The following TFIP11 variants were observed in gnomAD, a reference collection of about 807,000 sequenced individuals.
TFIP11 encodes tuftelin-interacting protein 11.
In TFIP11, 86 loss-of-function variants were observed where a neutral mutation model predicts 96.8. The ratio of observed to expected loss-of-function variants is 0.89; its 90% CI spans 0.75 to 1.06. TFIP11 has a LOEUF of 1.06. TFIP11 is among the 50% of genes least tolerant of loss of function. TFIP11 has a pLI of 0.00. For synonymous variants in TFIP11, 405 were observed against 395.2 expected (o/e 1.02, Z -0.29); for missense variants, 881 against 1,076.7 (o/e 0.82, Z 2.54).
chr22:26,507,866 TA>T (rs1923606631), intron 4 of TFIP11, among the ~76,000 whole-genome samples: 1 of 152,120 alleles, frequency 6.6e-6, no homozygotes, highest in South Asian at 2.1e-4. Context: ...CTCATGCCCA[TA>T]ATCTCAGCAC....
rs752093181 is a variant in TFIP11, at chr22:26,493,030, CT to C, written c.2159-663del. The C allele has an allele frequency of 4.8e-3, 692 of 144,544 alleles. 1 individual carries two copies. Among genetic ancestry groups the C allele is most frequent in the African/African-American group, 8.2e-3 (325 of 39,618 alleles). 9.0% of individuals were successfully genotyped at this position (144,544 alleles called of 1,614,324 possible). A position where few individuals can be genotyped will look rare whatever the true frequency, so the allele number is the denominator to read the frequency against. On this transcript the variant is annotated intron_variant, in intron 14 of 14. Coordinates refer to ENST00000407690, the MANE Select transcript of TFIP11 (RefSeq NM_012143.4). ...TGTTTTCACAGAATAGGCTATTTTTCTTTTTTTTTTTTTGAGACCGAGTCTC... is the reference window on the plus strand; with the variant it reads ...TGTTTTCACAGAATAGGCTATTTTTCTTTTTTTTTTTTGAGACCGAGTCTC...
intron 8 of TFIP11, among the ~76,000 whole-genome samples, chr22:26,500,510 G>A (rs1922645772): frequency 6.6e-6 from 1 of 152,144 alleles, no homozygotes; most frequent in South Asian, 2.1e-4. Context: ...AAGGCTAACT[G>A]AACAAAGGCA....
chr22:26,497,846 A>G (rs1392564322), intron 10 of TFIP11, among the ~76,000 whole-genome samples: 1 of 146,964 alleles, frequency 6.8e-6, no homozygotes, highest in East Asian at 2.0e-4. Context: ...ACTGCACTCC[A>G]GCCTGGCGAC....
At chr22:26,501,646 T>G (rs916516032) in intron 8 of TFIP11, among the ~76,000 whole-genome samples, 3 of 151,180 alleles carry the variant, frequency 2.0e-5, no homozygotes, top group Non-Finnish European at 4.4e-5. Flanking sequence ...TGTAGTGCCG[T>G]GAAGAGTGCC....
In TFIP11 at chr22:26,506,928, C is replaced by A; in HGVS notation, c.210G>T (p.Arg70=). ...DDERPSFGGK[R]ARDYSAPVNF... ...TGACTGGCGCAGAGTAGTCACGGGCCCTGTAGGCACAGAAACAAAGCCCCA... is the reference window on the plus strand; with the variant it reads ...TGACTGGCGCAGAGTAGTCACGGGCACTGTAGGCACAGAAACAAAGCCCCA... The change falls in exon 5 of 15, where the codon CGG becomes CGT. Residue 70 remains arginine, a splice_region_variant and synonymous_variant. Transcript: ENST00000407690. 3.1e-6 allele frequency: 5 copies of A among 1,613,578 alleles called. No homozygotes were observed. Among genetic ancestry groups the A allele is most frequent in the Non-Finnish European group, 3.4e-6 (4 of 1,179,668 alleles).
chr22:26,494,326 T>C (rs1247345258), intron 13 of TFIP11, 22 bp from the exon 14 acceptor site: 1 of 1,614,178 alleles, frequency 6.2e-7, no homozygotes, highest in Non-Finnish European at 8.5e-7. Flanking sequence ...AAAAATTACT[T>C]GCATCCATCG....
chr22:26,508,614 C>T (rs181521112), intron 4 of TFIP11, among the ~76,000 whole-genome samples: 41 of 152,124 alleles, frequency 2.7e-4, no homozygotes, highest in Admixed American at 2.0e-3. Context: ...CCAGCACTTT[C>T]GGAGGCCGAG....
chr22:26,499,278 C>T lies in TFIP11; in HGVS notation c.1155G>A (p.Arg385=), dbSNP rs372203817. 5.6e-6 allele frequency: 9 copies of T among 1,613,722 alleles called. No homozygotes were observed. Among genetic ancestry groups the T allele is most frequent in the Non-Finnish European group, 6.8e-6 (8 of 1,179,864 alleles). The part of the protein sequence containing the change: ...KVLEMVEECE[R]RMQPDCSNPL... Reference sequence around the variant, plus strand: ...GGTTGCTGCAGTCGGGCTGCATCCGCCGCTCGCACTCCTCCACCATCTCCA... The same window carrying T: ...GGTTGCTGCAGTCGGGCTGCATCCGTCGCTCGCACTCCTCCACCATCTCCA... The change falls in exon 9 of 15, where the codon CGG becomes CGA. Residue 385 remains arginine (R), a synonymous_variant. Coordinates refer to ENST00000407690, the MANE Select transcript of TFIP11 (RefSeq NM_012143.4).
Position 26,499,641 on chromosome 22 carries a change from CAT to C in TFIP11, c.802-12_802-11del, listed in dbSNP as rs764388934. 139 of 1,598,128 alleles carry C rather than the reference CAT, an allele frequency of 8.7e-5. No homozygotes were observed. Among genetic ancestry groups the C allele is most frequent in the Non-Finnish European group, 1.1e-4 (131 of 1,171,782 alleles). On this transcript the variant is annotated splice_polypyrimidine_tract_variant and intron_variant, in intron 8 of 14. Coordinates refer to ENST00000407690, the MANE Select transcript of TFIP11 (RefSeq NM_012143.4). ...CTGTCATGTCTATGACCTTGGAAAA[CAT>C]AGAGGGATGAAGGTTAACACCGCTG... is the stretch of plus-strand genomic sequence containing the variant.
chr22:26,491,943 A>C lies in TFIP11; in HGVS notation c.*70T>G. On this transcript the variant is annotated 3_prime_UTR_variant, in exon 15 of 15. Coordinates refer to ENST00000407690, the MANE Select transcript of TFIP11 (RefSeq NM_012143.4). ...AAGTTACCCTTTTGAAGGTGATCTA[A>C]AAATACTGTTTATTTACAGTACATC... 1.4e-6 allele frequency: 2 copies of C among 1,416,084 alleles called. No homozygotes were observed. The highest frequency in any genetic ancestry group is 4.3e-5 in the Admixed American group (2 of 46,804). 87.7% of individuals were successfully genotyped at this position (1,416,084 alleles called of 1,614,324 possible). A position where few individuals can be genotyped will look rare whatever the true frequency, so the allele number is the denominator to read the frequency against.
chr22:26,500,780 C>T (rs1289739497), intron 8 of TFIP11, among the ~76,000 whole-genome samples: 1 of 151,548 alleles, frequency 6.6e-6, no homozygotes, highest in Non-Finnish European at 1.5e-5. Flanking sequence ...CCACTAAAGG[C>T]TTTCTTTGAG....
chr22:26,500,775 A>G (rs1201447834), intron 8 of TFIP11, among the ~76,000 whole-genome samples: 1 of 152,102 alleles, frequency 6.6e-6, no homozygotes. Flanking sequence ...GAACCCCACT[A>G]AAGGCTTTCT....
At chr22:26,494,082 C>T in intron 14 of TFIP11, 57 bp downstream of exon 14, 2 of 1,590,826 alleles carry the variant, frequency 1.3e-6, no homozygotes, top group Non-Finnish European at 1.7e-6. Flanking sequence ...GTGTCATTTA[C>T]ATGTGTAAAA....
Position 26,499,344 on chromosome 22 carries a change from C to A in TFIP11, c.1089G>T (p.Leu363=). The A allele has an allele frequency of 6.2e-7, 1 of 1,614,158 alleles. No individual in the cohort carries two copies. The highest frequency in any genetic ancestry group is 8.5e-7 in the Non-Finnish European group (1 of 1,180,014). Reference sequence around the variant, plus strand: ...TCGAGATGACCCGCTCCTCGTGGTCCAGGACCTCGGTCATCTTCTCCAGCT... The same window carrying A: ...TCGAGATGACCCGCTCCTCGTGGTCAAGGACCTCGGTCATCTTCTCCAGCT... ...FHELEKMTEV[L]DHEERVISNL... Residue 363 remains leucine (L), a synonymous_variant, in exon 9 of 15, where the codon CTG becomes CTT. Coordinates refer to ENST00000407690, the MANE Select transcript of TFIP11 (RefSeq NM_012143.4).
At chr22:26,511,951 G>A (rs1331628781) in intron 2 of TFIP11, 148 bp downstream of exon 2, 1 of 152,232 alleles carries the variant, frequency 6.6e-6, no homozygotes, top group Non-Finnish European at 1.5e-5. Flanking sequence ...CACAAGTTAT[G>A]AAGCCTTTAT....
intron 13 of TFIP11, 176 bp from the exon 14 acceptor site, chr22:26,494,480 G>T: frequency 1.2e-6 from 1 of 800,488 alleles, no homozygotes; most frequent in Non-Finnish European, 2.0e-6. Context: ...GAGTCAGCCT[G>T]GTAGCTAAAG....
intron 4 of TFIP11, among the ~76,000 whole-genome samples, chr22:26,507,822 T>C (rs1255629989): frequency 6.6e-6 from 1 of 151,870 alleles, no homozygotes; most frequent in Non-Finnish European, 1.5e-5. Context: ...AAAGAAAAAA[T>C]TACAATAAAA....
intron 6 of TFIP11, among the ~76,000 whole-genome samples, chr22:26,504,329 CACA>C (rs1218865255): frequency 6.6e-6 from 1 of 152,014 alleles, no homozygotes; most frequent in Non-Finnish European, 1.5e-5. Context: ...CGAATAGGAC[CACA>C]ACATTTCAAT....
At chr22:26,493,447 A>C (rs1470531909) in intron 14 of TFIP11, 3 of 152,356 alleles carry the variant, frequency 2.0e-5, no homozygotes, top group Non-Finnish European at 4.4e-5. Flanking sequence ...TGTAAAACAC[A>C]GACTAGACGA....
Sources: gnomAD v4.1 joint callset for allele counts (sites outside exome capture counted in the v4.1 genomes callset) on GRCh38, gnomAD v4.1.1 for gene constraint, MANE v1.5 for transcripts, NCBI Gene and HGNC (gene_info 2026-07-23, HGNC 2026-07-21) for gene names.